Variants in THOC1 observed in about 807,000 individuals in gnomAD.
The protein encoded by THOC1 is THO complex 1.
In THOC1, 29 loss-of-function variants were observed where a neutral mutation model predicts 97.3. That is an observed-to-expected ratio of 0.30 (90% CI 0.22 to 0.41). The LOEUF (loss-of-function observed/expected upper bound fraction) is 0.41, where lower values mean the gene tolerates loss of function less well. Among genes scored for constraint, THOC1 ranks in the 10% least tolerant of loss-of-function variants. The pLI is 1.00. For missense variants in THOC1, 529 were observed against 761.9 expected (o/e 0.69, Z 3.60); for synonymous variants, 255 against 257.0 (o/e 0.99, Z 0.07).
chr18:215,539 C>T (rs776540012), intron 19 of THOC1, 35 bp from the exon 20 acceptor site: 2 of 1,543,968 alleles, frequency 1.3e-6, no homozygotes, highest in African/African-American at 2.7e-5. Context: ...TGAAAGAATG[C>T]CAGCCTCTGA....
intron 17 of THOC1, among the ~76,000 whole-genome samples, chr18:220,030 A>G (rs1005119358): frequency 5.3e-5 from 8 of 152,238 alleles, no homozygotes; most frequent in African/African-American, 1.9e-4. Context: ...TAAAACTAGG[A>G]AAATGGGCTC....
Position 254,294 on chromosome 18 carries a change from C to A in THOC1, c.582G>T (p.Gln194His), listed in dbSNP as rs867029873. 1 of 1,584,098 alleles carries A rather than the reference C, an allele frequency of 6.3e-7. No individual in the cohort carries two copies. The change falls in exon 8 of 21, where the codon CAG becomes CAT. Residue 194 changes from glutamine (Q) to histidine (H), a missense_variant. By Grantham distance (24) the Gln-to-His change is conservative. Transcript: ENST00000261600. This position sits in a 1 kb window ranked among gnomAD's most constrained non-coding sequence, Gnocchi z 4.1. ...TCACCTTCTGACCCAGGGTGCTTTC[C>A]TGCTCATTTGTATTGAAAACAGTGA... ...ENVTVFNTNE[Q>H]ESTLGQKHTE... is the part of the protein sequence containing the mutation.
At chr18:218,688 C>T (rs911523748) in intron 18 of THOC1, among the ~76,000 whole-genome samples, 198 bp downstream of exon 18, 1 of 151,746 alleles carries the variant, frequency 6.6e-6, no homozygotes. Context: ...AGGGTGATTC[C>T]AAGTCATGCT....
chr18:238,836 C>T (rs1298487512), intron 11 of THOC1, among the ~76,000 whole-genome samples: 1 of 152,062 alleles, frequency 6.6e-6, no homozygotes, highest in East Asian at 1.9e-4. Flanking sequence ...TACTCATAGT[C>T]AATGTAAAAC....
intron 7 of THOC1, among the ~76,000 whole-genome samples, chr18:255,881 G>A (rs1374318646): frequency 6.6e-6 from 1 of 152,196 alleles, no homozygotes; most frequent in East Asian, 1.9e-4. Flanking sequence ...TGAGAATTAT[G>A]CTAAATCTAC....
chr18:250,210 T>A (rs1017461983), intron 9 of THOC1, among the ~76,000 whole-genome samples: 1 of 152,320 alleles, frequency 6.6e-6, no homozygotes, highest in Non-Finnish European at 1.5e-5. Context: ...AATATATTTT[T>A]AAAAATTTAA....
intron 4 of THOC1, among the ~76,000 whole-genome samples, chr18:262,808 A>G (rs1912644559): frequency 6.6e-6 from 1 of 152,208 alleles, no homozygotes; most frequent in South Asian, 2.1e-4. Flanking sequence ...TAATGTGAAT[A>G]ATGCTTTACA....
chr18:225,723 G>A, intron 12 of THOC1: 1 of 253,490 alleles, frequency 3.9e-6, no homozygotes, highest in Non-Finnish European at 7.5e-6. Flanking sequence ...TTGATATTAA[G>A]ATATGTGTAT....
chr18:233,230 T>C (rs1911553561), intron 11 of THOC1, among the ~76,000 whole-genome samples: 1 of 152,246 alleles, frequency 6.6e-6, no homozygotes, highest in African/African-American at 2.4e-5. Context: ...TAGAATTGAC[T>C]GTACTGAGGT....
chr18:265,281 A>T (rs771964061), intron 3 of THOC1, 22 bp downstream of exon 3: 158 of 1,558,556 alleles, frequency 1.0e-4, no homozygotes, highest in Non-Finnish European at 1.3e-4. Context: ...GTAAAATTTT[A>T]ACAATGGAAA....
intron 11 of THOC1, among the ~76,000 whole-genome samples, chr18:228,676 T>G (rs1911381075): frequency 6.6e-6 from 1 of 152,188 alleles, no homozygotes; most frequent in African/African-American, 2.4e-5. Context: ...TGTCCCATAT[T>G]TCTTCTGTCA....
intron 7 of THOC1, among the ~76,000 whole-genome samples, chr18:255,947 T>C (rs1298394337): frequency 2.0e-5 from 3 of 152,236 alleles, no homozygotes; most frequent in South Asian, 2.1e-4. Flanking sequence ...CATCTGTTTA[T>C]AGCATGGTTT....
chr18:248,860 C>T (rs1912181844), intron 9 of THOC1, among the ~76,000 whole-genome samples: 1 of 152,106 alleles, frequency 6.6e-6, no homozygotes, highest in Non-Finnish European at 1.5e-5. Context: ...AAGCGATTCT[C>T]CTGCCTCAGC....
In THOC1 at chr18:254,198, C is replaced by A. The variant is rs1410868035; in HGVS notation, c.603+75G>T. The A allele has an allele frequency of 7.9e-6, 8 of 1,018,992 alleles. No individual in the cohort carries two copies. The African/African-American group carries it at 1.1e-4, about 14-fold the overall frequency. 63.1% of individuals were successfully genotyped at this position (1,018,992 alleles called of 1,614,324 possible). A position where few individuals can be genotyped will look rare whatever the true frequency, so the allele number is the denominator to read the frequency against. On this transcript the variant is annotated intron_variant, in intron 8 of 20. Coordinates refer to ENST00000261600, the MANE Select transcript of THOC1 (RefSeq NM_005131.3). The surrounding 1 kb of genome is among the most constrained non-coding windows in gnomAD (Gnocchi z 4.1). ...AAGTGCTAGGATTACAAGTGTGAGC[C>A]ACTGTGCCTGGACCCACTATCTTAA...
intron 12 of THOC1, chr18:225,705 C>T (rs1911257825): frequency 3.6e-6 from 1 of 280,296 alleles, no homozygotes; most frequent in Non-Finnish European, 6.6e-6. Context: ...GAAACGAAAA[C>T]TTCTGATTTG....
chr18:227,806 C>T (rs1267649128), intron 11 of THOC1, among the ~76,000 whole-genome samples: 9 of 152,076 alleles, frequency 5.9e-5, no homozygotes, highest in Non-Finnish European at 1.0e-4. Flanking sequence ...CAGCTGGAAG[C>T]GTCGAAGATT....
intron 16 of THOC1, 143 bp downstream of exon 16, chr18:223,941 A>AT (rs989363994): frequency 3.0e-6 from 2 of 663,444 alleles, no homozygotes; most frequent in African/African-American, 3.6e-5. Context: ...AATGGGCAGT[A>AT]TAGACAGTGC....
chr18:262,741 T>C (rs184525423), intron 4 of THOC1, among the ~76,000 whole-genome samples: 205 of 152,318 alleles, frequency 1.3e-3, no homozygotes, highest in Middle Eastern at 6.8e-3. Flanking sequence ...CATAAAATAG[T>C]TTGCCCCTAT....
At chr18:223,010 T>C (rs1239266706) in intron 17 of THOC1, among the ~76,000 whole-genome samples, 1 of 152,106 alleles carries the variant, frequency 6.6e-6, no homozygotes, top group Non-Finnish European at 1.5e-5. Context: ...TCCTTCTGTA[T>C]TGCTTTCTGG....
Sources: gnomAD v4.1 joint callset for allele counts (sites outside exome capture counted in the v4.1 genomes callset) on GRCh38, gnomAD v4.1.1 for gene constraint, Gnocchi (gnomAD v3.1) non-coding constraint, MANE v1.5 for transcripts, NCBI Gene and HGNC (gene_info 2026-07-23, HGNC 2026-07-21) for gene names.